KIF13A: variants seen among roughly 807,000 people sequenced by gnomAD.
KIF13A encodes the protein kinesin family member 13A.
KIF13A carries 79 observed loss-of-function variants against 212.2 expected under a neutral mutation model. The ratio of observed to expected loss-of-function variants is 0.37; its 90% CI spans 0.31 to 0.45. The LOEUF (loss-of-function observed/expected upper bound fraction) is 0.45. KIF13A is among the 20% of genes least tolerant of loss of function. The probability of loss-of-function intolerance (pLI) is 1.00; values close to 1 mark genes in which losing one functional copy is unlikely to be tolerated. For synonymous variants in KIF13A, 789 were observed against 808.6 expected (o/e 0.98, Z 0.41); for missense variants, 1,901 against 2,209.0 (o/e 0.86, Z 2.79).
At chr6:17,980,885 G>A (rs925581959) in intron 2 of KIF13A, among the ~76,000 whole-genome samples, 2 of 152,088 alleles carry the variant, frequency 1.3e-5, no homozygotes, top group African/African-American at 4.8e-5. Context: ...TGAGAATAAA[G>A]CAGAGAAAGA....
intron 2 of KIF13A, among the ~76,000 whole-genome samples, chr6:17,949,386 CA>C (rs1777677237): frequency 1.3e-5 from 2 of 152,172 alleles, no homozygotes; most frequent in African/African-American, 4.8e-5. Flanking sequence ...ACACCATCAA[CA>C]TTTTAATTCT....
intron 2 of KIF13A, among the ~76,000 whole-genome samples, chr6:17,902,914 A>T (rs897854698): frequency 6.6e-6 from 1 of 152,158 alleles, no homozygotes; most frequent in Non-Finnish European, 1.5e-5. Flanking sequence ...CTCAGAAATA[A>T]TTTTTTTACA....
rs953533184 is a variant in KIF13A at position 17,899,464 on chromosome 6, C to T, written c.147-1284G>A. Among the ~76,000 whole-genome samples the T allele has an allele frequency of 2.6e-5, 4 of 152,118 alleles. No homozygotes were observed. The highest frequency in any genetic ancestry group is 9.7e-5 in the African/African-American group (4 of 41,436). On this transcript the variant is annotated intron_variant, in intron 2 of 38. Transcript: ENST00000259711. The surrounding 1 kb of genome is among the most constrained non-coding windows in gnomAD (Gnocchi z 5.2). Reference sequence around the variant, plus strand: ...GATGCTTTTTCTCCATCACTGGGTGCGACACTCCTTACAGAGCTCTGAGGG... The same window carrying T: ...GATGCTTTTTCTCCATCACTGGGTGTGACACTCCTTACAGAGCTCTGAGGG...
At chr6:17,766,216 TAAG>T (rs1220719726) in intron 38 of KIF13A, among the ~76,000 whole-genome samples, 1,015 of 93,732 alleles carry the variant, frequency 0.011, 10 homozygotes, top group African/African-American at 0.042. Context: ...ATTTTATTTT[TAAG>T]ATTTATTTAT....
chr6:17,800,872 T>C (rs911388043), intron 20 of KIF13A, among the ~76,000 whole-genome samples: 3 of 151,950 alleles, frequency 2.0e-5, no homozygotes, highest in African/African-American at 7.2e-5. Context: ...GTGCTGGGAT[T>C]ACAATCATAA....
rs1760154755 is a variant in KIF13A, at chr6:17,777,987, A to T, written c.4093-633T>A. Among the ~76,000 whole-genome samples, 1 of 152,050 alleles carries T rather than the reference A, an allele frequency of 6.6e-6. No individual in the cohort carries two copies. Among genetic ancestry groups the T allele is most frequent in the Admixed American group, 6.6e-5 (1 of 15,252 alleles). On this transcript the variant is annotated intron_variant, in intron 33 of 38. Transcript: ENST00000259711. This position sits in a 1 kb window ranked among gnomAD's most constrained non-coding sequence, Gnocchi z 4.4. ...CCCTGTTTCTACTAAAAAATACAAAAATTAGCTGGGCATGGTGGTGGGTGC... is the reference window on the plus strand; with the variant it reads ...CCCTGTTTCTACTAAAAAATACAAATATTAGCTGGGCATGGTGGTGGGTGC...
intron 4 of KIF13A, among the ~76,000 whole-genome samples, chr6:17,862,665 T>A (rs1368411061): frequency 2.0e-5 from 3 of 152,028 alleles, no homozygotes; most frequent in Non-Finnish European, 2.9e-5. Flanking sequence ...TAGCCAGGTA[T>A]GAGCCGGGCA....
chr6:17,863,417 C>A (rs1002129715), intron 4 of KIF13A, among the ~76,000 whole-genome samples: 12 of 150,262 alleles, frequency 8.0e-5, no homozygotes, highest in African/African-American at 2.7e-4. Flanking sequence ...AAAAAAAAAA[C>A]CCAATATAAA....
At chr6:17,766,219 G>GATTGATTTATTTATTT (rs1554158989) in intron 38 of KIF13A, among the ~76,000 whole-genome samples, 336 of 144,714 alleles carry the variant, frequency 2.3e-3, no homozygotes, top group African/African-American at 5.1e-3. Context: ...TTATTTTTAA[G>GATTGATTTATTTATTT]ATTTATTTAT....
intron 23 of KIF13A, among the ~76,000 whole-genome samples, chr6:17,796,184 T>C (rs566560470): frequency 1.6e-4 from 24 of 150,812 alleles, no homozygotes; most frequent in African/African-American, 5.8e-4. Context: ...CTGTATTCTT[T>C]TTTTTTTTTT....
chr6:17,808,258 C>T (rs751258382), intron 18 of KIF13A, among the ~76,000 whole-genome samples: 7 of 152,068 alleles, frequency 4.6e-5, no homozygotes, highest in South Asian at 2.1e-4. Flanking sequence ...TGCTAGTGCG[C>T]GCCTGTAATC....
intron 9 of KIF13A, among the ~76,000 whole-genome samples, chr6:17,841,941 G>A (rs1233847055): frequency 6.7e-6 from 1 of 150,344 alleles, no homozygotes; most frequent in South Asian, 2.1e-4. Context: ...GTGTTTGTGT[G>A]TCTACATACA....
Position 17,826,153 on chromosome 6 carries a change from T to C in KIF13A, c.1533-29A>G, listed in dbSNP as rs370715483. The C allele has an allele frequency of 1.5e-5, 23 of 1,571,856 alleles. No homozygotes were observed. The highest frequency in any genetic ancestry group is 1.9e-5 in the Non-Finnish European group (22 of 1,142,768). ...GGAGAACACGAGGGAAAATACCAGG[T>C]AAATGGGAAGGAGCACAAGACCTTG... On this transcript the variant is annotated intron_variant, in intron 14 of 38. Coordinates refer to ENST00000259711, the MANE Select transcript of KIF13A (RefSeq NM_022113.6). This position sits in a 1 kb window ranked among gnomAD's most constrained non-coding sequence, Gnocchi z 4.7.
At chr6:17,836,821 AG>A in intron 11 of KIF13A, 56 bp downstream of exon 11, 2 of 1,491,880 alleles carry the variant, frequency 1.3e-6, no homozygotes, top group Non-Finnish European at 1.9e-6. Flanking sequence ...CACCCTTGCC[AG>A]TCAAATCCCG....
chr6:17,980,202 G>A (rs527351059), intron 2 of KIF13A, among the ~76,000 whole-genome samples: 5 of 152,288 alleles, frequency 3.3e-5, no homozygotes, highest in Admixed American at 6.5e-5. Flanking sequence ...CAGAAGCACT[G>A]AAAGATAAAA....
At position 17,918,481 on chromosome 6, in the gene KIF13A, G is replaced by A. The variant is rs960781072; in HGVS notation, c.147-20301C>T. 6.6e-6 allele frequency among the ~76,000 whole-genome samples: 1 copy of A among 152,088 alleles called. No individual in the cohort carries two copies. Among genetic ancestry groups the A allele is most frequent in the African/African-American group, 2.4e-5 (1 of 41,408 alleles). On this transcript the variant is annotated intron_variant, in intron 2 of 38. Coordinates refer to ENST00000259711, the MANE Select transcript of KIF13A (RefSeq NM_022113.6). This position sits in a 1 kb window ranked among gnomAD's most constrained non-coding sequence, Gnocchi z 4.8. Reference sequence around the variant, plus strand: ...TACTAATTTGGAGTCCTTTTCACAGGAATGTGTTGCTGGTTTATTTACTGG... The same window carrying A: ...TACTAATTTGGAGTCCTTTTCACAGAAATGTGTTGCTGGTTTATTTACTGG...
intron 2 of KIF13A, among the ~76,000 whole-genome samples, chr6:17,906,504 A>C (rs1219525030): frequency 7.1e-6 from 1 of 141,788 alleles, no homozygotes; most frequent in Non-Finnish European, 1.5e-5. Flanking sequence ...GCTGGAGTGC[A>C]ATGATGTGAT....
At position 17,808,827 on chromosome 6, in the gene KIF13A, G is replaced by C; in HGVS notation, c.2104C>G (p.Leu702Val). Reference protein sequence around the residue: ...ANFLAEEMSKLTDYQVTLQIP... With the variant: ...ANFLAEEMSKVTDYQVTLQIP... The stretch of plus-strand genomic sequence containing the variant: ...TGAAGAGTCACTTGGTAATCGGTGA[G>C]TTTGCTCATTTCCTCAGCCAGGAAG... Residue 702 changes from leucine to valine, a missense_variant, in exon 18 of 39, where the codon CTC (leucine) becomes GTC (valine). Coordinates refer to ENST00000259711, the MANE Select transcript of KIF13A (RefSeq NM_022113.6). The C allele has an allele frequency of 6.2e-7, 1 of 1,613,918 alleles. No homozygotes were observed. Among genetic ancestry groups the C allele is most frequent in the African/African-American group, 1.3e-5 (1 of 75,056 alleles).
At chr6:17,928,899 G>A (rs1775720318) in intron 2 of KIF13A, among the ~76,000 whole-genome samples, 1 of 151,780 alleles carries the variant, frequency 6.6e-6, no homozygotes, top group African/African-American at 2.4e-5. Context: ...GTACATAATG[G>A]AAATGTATAT....
Sources: gnomAD v4.1 joint callset for allele counts (sites outside exome capture counted in the v4.1 genomes callset) on GRCh38, gnomAD v4.1.1 for gene constraint, Gnocchi (gnomAD v3.1) non-coding constraint, MANE v1.5 for transcripts, NCBI Gene and HGNC (gene_info 2026-07-23, HGNC 2026-07-21) for gene names.